Variants in DMXL2 observed in about 807,000 individuals in gnomAD.
The protein encoded by DMXL2 is dmX-like protein 2.
Under a neutral mutation model 331.1 loss-of-function variants are expected in DMXL2, and 103 were observed. That is an observed-to-expected ratio of 0.31 (90% confidence interval 0.27 to 0.37). The LOEUF (loss-of-function observed/expected upper bound fraction) is 0.37. Among genes scored for constraint, DMXL2 ranks in the 10% least tolerant of loss-of-function variants. DMXL2 has a pLI of 1.00. For synonymous variants in DMXL2, 1,281 were observed against 1,252.1 expected (o/e 1.02, Z -0.49); for missense variants, 3,171 against 3,642.9 (o/e 0.87, Z 3.33).
At chr15:51,566,294 G>A (rs1024537707) in intron 3 of DMXL2, among the ~76,000 whole-genome samples, 2 of 149,692 alleles carry the variant, frequency 1.3e-5, no homozygotes, top group African/African-American at 4.9e-5. Flanking sequence ...TGCAAACCCT[G>A]CACTTCATTA....
Position 51,464,896 on chromosome 15 carries a change from GT to G in DMXL2, c.7607-21del. 4 of 1,566,466 alleles carry G rather than the reference GT, an allele frequency of 2.6e-6. No individual in the cohort carries two copies. The highest frequency in any genetic ancestry group is 3.5e-6 in the Non-Finnish European group (4 of 1,150,704). On this transcript the variant is annotated intron_variant, in intron 31 of 43. Transcript: ENST00000560891. Reference sequence around the variant, plus strand: ...GCAGCTCTACAAGGTGACAGAATATGTTATTTATTTTAATAAAAAATATCGA... The same window carrying G: ...GCAGCTCTACAAGGTGACAGAATATGTATTTATTTTAATAAAAAATATCGA...
intron 4 of DMXL2, among the ~76,000 whole-genome samples, chr15:51,564,643 T>G (rs778001099): frequency 1.1e-4 from 17 of 152,092 alleles, no homozygotes; most frequent in Non-Finnish European, 2.2e-4. Context: ...GTTTTACACA[T>G]GAAATATAAA....
chr15:51,474,283 A>C, intron 28 of DMXL2, 61 bp downstream of exon 28: 1 of 1,495,958 alleles, frequency 6.7e-7, no homozygotes, highest in Non-Finnish European at 8.9e-7. Context: ...ACATTAAAAA[A>C]AATTTTAACA....
rs531741776 is a variant in DMXL2 at position 51,616,880 on chromosome 15, T to G, written c.87+5579A>C. Among the ~76,000 whole-genome samples the G allele has an allele frequency of 4.4e-5, 6 of 135,674 alleles. 1 individual carries two copies. The South Asian group carries it at 1.4e-3, about 31-fold the overall frequency. The allele number at this position is 135,674 out of a possible 152,430, so 89.0% of individuals were successfully genotyped here. A position where few individuals can be genotyped will look rare whatever the true frequency, so the allele number is the denominator to read the frequency against. On this transcript the variant is annotated intron_variant, in intron 1 of 43. Transcript: ENST00000560891. Reference sequence around the variant, plus strand: ...TGAACCTAGGAGATGGAGGTTGTGGTGAGCAGAGGTTGCACCACTGCACTC... The same window carrying G: ...TGAACCTAGGAGATGGAGGTTGTGGGGAGCAGAGGTTGCACCACTGCACTC...
chr15:51,558,495 TG>T (rs1239506572), intron 6 of DMXL2, among the ~76,000 whole-genome samples: 1 of 152,228 alleles, frequency 6.6e-6, no homozygotes, highest in African/African-American at 2.4e-5. Context: ...GAATCAAAGA[TG>T]TTTTCATATC....
At chr15:51,540,643 GA>G (rs1294250801) in intron 9 of DMXL2, among the ~76,000 whole-genome samples, 2 of 150,770 alleles carry the variant, frequency 1.3e-5, no homozygotes, top group African/African-American at 4.9e-5. Context: ...AAAATTTTTT[GA>G]AAAAAAAGTG....
intron 1 of DMXL2, among the ~76,000 whole-genome samples, chr15:51,587,573 G>C (rs2051948422): frequency 6.6e-6 from 1 of 152,148 alleles, no homozygotes. Flanking sequence ...TATCATTGTT[G>C]GATATTTGGG....
intron 29 of DMXL2, among the ~76,000 whole-genome samples, chr15:51,467,963 T>C (rs979230439): frequency 3.3e-5 from 5 of 152,274 alleles, no homozygotes; most frequent in African/African-American, 1.2e-4. Flanking sequence ...CCTGACCTCA[T>C]GATCTGCCCA....
At position 51,509,958 on chromosome 15, in the gene DMXL2, CAT is replaced by C. The variant is rs747967507; in HGVS notation, c.2645-2707_2645-2706del. 1.1e-4 allele frequency among the ~76,000 whole-genome samples: 16 copies of C among 152,274 alleles called. No individual in the cohort carries two copies. The East Asian group carries it at 2.1e-3, about 20-fold the overall frequency. ...TAAACAGAACCAATGACAAAAACCACATGATTATCTCAATAGATACAGAAAAG... is the reference window on the plus strand; with the variant it reads ...TAAACAGAACCAATGACAAAAACCACGATTATCTCAATAGATACAGAAAAG... On this transcript the variant is annotated intron_variant, in intron 15 of 43. Transcript: ENST00000560891.
At chr15:51,519,647 T>G (rs150777693) in intron 13 of DMXL2, among the ~76,000 whole-genome samples, 5,774 of 145,334 alleles carry the variant, frequency 0.04, 299 homozygotes, top group African/African-American at 0.13. Flanking sequence ...TTTTTTTTTT[T>G]TTTTTTTTTT....
At chr15:51,540,734 A>G (rs943183744) in intron 9 of DMXL2, among the ~76,000 whole-genome samples, 6 of 152,322 alleles carry the variant, frequency 3.9e-5, no homozygotes, top group Admixed American at 3.9e-4. Flanking sequence ...ATTTACATGC[A>G]GTAACTAAAA....
chr15:51,576,208 TACAA>T, intron 1 of DMXL2, 27 bp from the exon 2 acceptor site: 1 of 857,686 alleles, frequency 1.2e-6, no homozygotes, highest in East Asian at 4.2e-5. Context: ...AAAAAAGTTT[TACAA>T]TACATAAGAT....
At chr15:51,590,703 C>G (rs988831300) in intron 1 of DMXL2, among the ~76,000 whole-genome samples, 1 of 152,044 alleles carries the variant, frequency 6.6e-6, no homozygotes, top group African/African-American at 2.4e-5. Context: ...CATTTTAACT[C>G]TTTATTCAAC....
At chr15:51,525,407 G>T (rs531961532) in intron 13 of DMXL2, among the ~76,000 whole-genome samples, 1 of 152,196 alleles carries the variant, frequency 6.6e-6, no homozygotes, top group East Asian at 1.9e-4. Context: ...AAATTGGAGA[G>T]AAGCAGAGGC....
chr15:51,519,013 A>T (rs1173490815), intron 13 of DMXL2, among the ~76,000 whole-genome samples: 1 of 152,238 alleles, frequency 6.6e-6, no homozygotes, highest in Non-Finnish European at 1.5e-5. Flanking sequence ...TTTAAAATCA[A>T]AATTAATGTA....
At chr15:51,547,776 T>C (rs2048968871) in intron 6 of DMXL2, among the ~76,000 whole-genome samples, 1 of 152,144 alleles carries the variant, frequency 6.6e-6, no homozygotes, top group African/African-American at 2.4e-5. Context: ...TGTTATCCTT[T>C]CCTTTTTGAA....
intron 1 of DMXL2, 59 bp from the exon 2 acceptor site, chr15:51,576,240 T>C: frequency 8.1e-7 from 1 of 1,235,698 alleles, no homozygotes; most frequent in Non-Finnish European, 1.1e-6. Flanking sequence ...TTTTGAAATC[T>C]TATTACATAC....
At chr15:51,618,093 A>T (rs2054397503) in intron 1 of DMXL2, among the ~76,000 whole-genome samples, 1 of 152,196 alleles carries the variant, frequency 6.6e-6, no homozygotes, top group Admixed American at 6.5e-5. Context: ...ACAGGTTAAC[A>T]CATTAATAAC....
chr15:51,455,908 T>C (rs1369570453), intron 39 of DMXL2, among the ~76,000 whole-genome samples, 158 bp downstream of exon 39: 1 of 152,192 alleles, frequency 6.6e-6, no homozygotes, highest in African/African-American at 2.4e-5. Flanking sequence ...TTTGCTTCTA[T>C]TGGAAGAAAA....
Sources: allele counts gnomAD v4.1 joint callset (sites outside exome capture counted in the v4.1 genomes callset), GRCh38; gene constraint gnomAD v4.1.1; transcripts MANE v1.5; gene names NCBI Gene and HGNC (gene_info 2026-07-23, HGNC 2026-07-21).